Variants in MZT2A observed in about 807,000 individuals in gnomAD.
The protein encoded by MZT2A is mitotic-spindle organizing protein 2A.
In MZT2A, 8 loss-of-function variants were observed where a neutral mutation model predicts 12.4. The ratio of observed to expected loss-of-function variants is 0.64; its 90% CI spans 0.38 to 1.16. The LOEUF is 1.16. Ranked by LOEUF, MZT2A falls within the 50% of genes most tolerant of loss-of-function variation. The pLI is 0.01. For synonymous variants in MZT2A, 88 were observed against 107.5 expected (o/e 0.82, Z 1.12); for missense variants, 181 against 223.6 (o/e 0.81, Z 1.22).
chr2:131,486,261 G>A (rs1280171995), intron 2 of MZT2A, among the ~76,000 whole-genome samples: 2 of 152,050 alleles, frequency 1.3e-5, no homozygotes, highest in African/African-American at 4.8e-5. Flanking sequence ...AGTCCCCACT[G>A]ACTGGTCAAG....
At chr2:131,484,609 C>T (rs1407560373) in intron 2 of MZT2A, among the ~76,000 whole-genome samples, 3 of 152,164 alleles carry the variant, frequency 2.0e-5, no homozygotes, top group Non-Finnish European at 2.9e-5. Flanking sequence ...GCAGCAGGGA[C>T]GCGCTGCCTC....
downstream of MZT2A, chr2:131,482,623 C>T: frequency 6.2e-7 from 1 of 1,614,180 alleles, no homozygotes; most frequent in African/African-American, 1.3e-5. Flanking sequence ...GGGCCGTGTG[C>T]ATGCTGAGCA....
chr2:131,488,713 C>A (rs949619776), intron 2 of MZT2A, among the ~76,000 whole-genome samples: 7 of 152,044 alleles, frequency 4.6e-5, no homozygotes, highest in African/African-American at 1.7e-4. Context: ...ACACGTCTGC[C>A]CCATTCCCCT....
At chr2:131,476,902 T>C (rs1323240240) in intron 2 of MZT2A, among the ~76,000 whole-genome samples, 4 of 147,090 alleles carry the variant, frequency 2.7e-5, no homozygotes, top group Non-Finnish European at 5.9e-5. Flanking sequence ...GCCAGTGCAC[T>C]CCAGCCTGGG....
In MZT2A at chr2:131,484,077, G is replaced by A. The variant is rs191528378; in HGVS notation, c.461C>T (p.Thr154Met). The A allele has an allele frequency of 4.1e-4, 667 of 1,612,616 alleles. 4 individuals carry two copies. The African/African-American group carries it at 7.0e-3, about 17-fold the overall frequency. The change falls in exon 3 of 3, where the codon ACG becomes ATG. Residue 154 changes from threonine (T) to methionine (M), a missense_variant. Thr to Met is a moderately conservative substitution (Grantham distance 81). This residue lies in a region of MZT2A where 72 missense variants were observed against 76.9 expected (regional missense o/e 0.94). Transcript: ENST00000309451. ...TGCCCCATCCTAGGTGCTGCCCTGC[G>A]TAGGGCTCTTCCCAGGCCCGCCCCC... is the stretch of plus-strand genomic sequence containing the variant. ...PKGGGPGKSP[T>M]QGST is the part of the protein sequence containing the mutation.
At chr2:131,480,005 G>A, downstream of MZT2A, 3 of 1,519,918 alleles carry the variant, frequency 2.0e-6, no homozygotes, top group Admixed American at 2.2e-5. Context: ...AGCGGCCCTG[G>A]CTTGTTGGAG....
At chr2:131,475,877 G>A (rs527380984) in intron 2 of MZT2A, among the ~76,000 whole-genome samples, 4 of 152,288 alleles carry the variant, frequency 2.6e-5, no homozygotes, top group South Asian at 2.1e-4. Context: ...CAGAGGCAGC[G>A]CAGTAGCTGT....
chr2:131,474,411 T>C (rs1317553915), intron 2 of MZT2A, among the ~76,000 whole-genome samples: 2 of 99,536 alleles, frequency 2.0e-5, no homozygotes, highest in Non-Finnish European at 1.9e-5. Flanking sequence ...TCTTCTTTTT[T>C]TTTTTTTTTT....
At position 131,492,381 on chromosome 2, in the gene MZT2A, G is replaced by A. The variant is rs1194247552; in HGVS notation, c.-5C>T. ...CCCTACGCCCTGCGCCGCCATCCGC[G>A]AGGCCCGCCGAAAGGTGCGCCCCGC... is the stretch of plus-strand genomic sequence containing the variant. On this transcript the variant is annotated 5_prime_UTR_variant, in exon 1 of 3. Transcript: ENST00000309451. 4 of 1,307,150 alleles carry A rather than the reference G, an allele frequency of 3.1e-6. No individual in the cohort carries two copies. The highest frequency in any genetic ancestry group is 9.6e-7 in the Non-Finnish European group (1 of 1,037,518). 81.0% of individuals were successfully genotyped at this position (1,307,150 alleles called of 1,614,324 possible).
At chr2:131,481,005 A>G (rs1358036577), downstream of MZT2A, among the ~76,000 whole-genome samples, 3 of 150,862 alleles carry the variant, frequency 2.0e-5, no homozygotes, top group Non-Finnish European at 4.4e-5. Flanking sequence ...CCGGGTTCAA[A>G]CAATTCTCTG....
rs1167376558 is a variant in MZT2A, at chr2:131,478,344, G to C, written c.279-6162C>G. 11 of 1,613,846 alleles carry C rather than the reference G, an allele frequency of 6.8e-6. No individual in the cohort carries two copies. The South Asian group carries it at 1.1e-4, about 16-fold the overall frequency. ...CAGTGAGACTGGAGCTGGCAAGCAC[G>C]TGCCCAGAGCAGTGTTTGTGGACCT... On this transcript the variant is annotated intron_variant and NMD_transcript_variant, in intron 2 of 4. Transcript: ENST00000427024.
At position 131,484,197 on chromosome 2, in the gene MZT2A, G is replaced by T. The variant is rs1262978523; in HGVS notation, c.341C>A (p.Ala114Asp). The T allele has an allele frequency of 9.3e-6, 15 of 1,613,922 alleles. No homozygotes were observed. The highest frequency in any genetic ancestry group is 1.2e-5 in the Non-Finnish European group (14 of 1,179,948). Reference sequence around the variant, plus strand: ...CGCCAGGGCCAATACTCCCCCGAGGGCAGCGCTGCCTTTGTCTCTCCCTAA... The same window carrying T: ...CGCCAGGGCCAATACTCCCCCGAGGTCAGCGCTGCCTTTGTCTCTCCCTAA... Reference protein sequence around the residue: ...ETRGRDKGSAALGGVLALAER... With the variant: ...ETRGRDKGSADLGGVLALAER... Residue 114 changes from alanine (A) to aspartate (D), a missense_variant, in exon 3 of 3, where the codon GCC (alanine) becomes GAC (aspartate). By Grantham distance (126) the Ala-to-Asp change is moderately radical. Transcript: ENST00000309451.
downstream of MZT2A, chr2:131,480,847 T>G (rs547755344): frequency 6.6e-7 from 1 of 1,505,584 alleles, no homozygotes; most frequent in Non-Finnish European, 9.0e-7. Flanking sequence ...TTATCCCTGT[T>G]CCATGGGCTA....
At chr2:131,482,936 C>A (rs3817560), downstream of MZT2A, 514,113 of 1,543,030 alleles carry the variant, frequency 0.33, 99,545 homozygotes, top group East Asian at 0.77. Flanking sequence ...TAAAACCAAG[C>A]CCTCTGTGTG....
chr2:131,476,047 G>C, intron 2 of MZT2A: 1 of 1,446,502 alleles, frequency 6.9e-7, no homozygotes, highest in East Asian at 2.5e-5. Flanking sequence ...CCCTCAGCCC[G>C]CCTCCCAGGA....
intron 2 of MZT2A, among the ~76,000 whole-genome samples, chr2:131,472,912 T>C (rs1384621395): frequency 1.5e-4 from 22 of 149,296 alleles, no homozygotes; most frequent in African/African-American, 4.1e-4. Context: ...CTGAATGGTG[T>C]CCCCCCCCAC....
At position 131,474,102 on chromosome 2, in the gene MZT2A, CT is replaced by C. The variant is rs996015413; in HGVS notation, c.279-1921del. On this transcript the variant is annotated intron_variant and NMD_transcript_variant, in intron 2 of 4. Transcript: ENST00000427024. ...TAGACAATGTAGAGACAATAAATAG[CT>C]TTTTTTTTTTTTGAGACAGAGTCTC... Among the ~76,000 whole-genome samples, 276 of 134,890 alleles carry C rather than the reference CT, an allele frequency of 2.0e-3. 1 individual carries two copies. Among genetic ancestry groups the C allele is most frequent in the East Asian group, 4.6e-3 (23 of 4,998 alleles). 88.5% of individuals were successfully genotyped at this position (134,890 alleles called of 152,430 possible).
At chr2:131,485,545 C>G (rs1437718622) in intron 2 of MZT2A, among the ~76,000 whole-genome samples, 5 of 152,166 alleles carry the variant, frequency 3.3e-5, no homozygotes, top group African/African-American at 1.2e-4. Context: ...AGCTCCCTAA[C>G]AAATGCTTTG....
downstream of MZT2A, among the ~76,000 whole-genome samples, chr2:131,481,768 A>G (rs1427950944): frequency 6.6e-6 from 1 of 152,112 alleles, no homozygotes; most frequent in African/African-American, 2.4e-5. Flanking sequence ...GGGTTTCGCC[A>G]TGTTGGCCAG....
Sources: gnomAD v4.1 joint callset for allele counts (sites outside exome capture counted in the v4.1 genomes callset) on GRCh38, gnomAD v4.1.1 for gene constraint, gnomAD v4.1.1 regional missense constraint, MANE v1.5 for transcripts, NCBI Gene and HGNC (gene_info 2026-07-23, HGNC 2026-07-21) for gene names.